WWOX: variants seen among roughly 807,000 people sequenced by gnomAD.
WWOX encodes WW domain-containing oxidoreductase.
A neutral mutation model predicts 46.2 loss-of-function variants in WWOX; 69 were observed. The observed-to-expected ratio is 1.49, with a 90% CI of 1.23 to 1.82. WWOX has a LOEUF of 1.82. Ranked by LOEUF, WWOX falls within the 40% of genes most tolerant of loss-of-function variation. The pLI is 0.00. For synonymous variants in WWOX, 359 were observed against 202.6 expected, an observed-to-expected ratio of 1.77 and a Z score of -6.56; for missense variants, 919 against 542.6, an observed-to-expected ratio of 1.69 and a Z score of -6.89.
intron 5 of WWOX, among the ~76,000 whole-genome samples, chr16:78,205,922 C>G (rs1448678281): frequency 6.7e-6 from 1 of 149,382 alleles, no homozygotes; most frequent in Non-Finnish European, 1.5e-5. Context: ...CTTTCCTTTC[C>G]TTCCTTCTCT....
chr16:78,544,761 G>C (rs2043985222), intron 8 of WWOX, among the ~76,000 whole-genome samples: 2 of 152,190 alleles, frequency 1.3e-5, no homozygotes, highest in South Asian at 2.1e-4. Context: ...TGTGGTTCCA[G>C]CTACTCAGGA....
intron 5 of WWOX, among the ~76,000 whole-genome samples, chr16:78,343,544 C>G (rs926586750): frequency 1.7e-5 from 2 of 120,754 alleles, no homozygotes; most frequent in Admixed American, 1.6e-4. Context: ...GCACAGCCCC[C>G]CTTGAGTCTT....
Position 78,681,523 on chromosome 16 carries a change from C to T in WWOX, c.1056+248771C>T, listed in dbSNP as rs1488428890. Among the ~76,000 whole-genome samples, 10 of 149,788 alleles carry T rather than the reference C, an allele frequency of 6.7e-5. No homozygotes were observed. In the South Asian group the frequency reaches 2.1e-3, roughly 32 times the overall value. ...ATGACTTCAAAAAACAGGGCTCGTG[C>T]CACCCAAGATTTCCTCCATATACAA... is the stretch of plus-strand genomic sequence containing the variant. On this transcript the variant is annotated intron_variant, in intron 8 of 8. Transcript: ENST00000566780.
At chr16:78,708,155 C>T (rs1010251895) in intron 8 of WWOX, among the ~76,000 whole-genome samples, 1 of 152,094 alleles carries the variant, frequency 6.6e-6, no homozygotes, top group Non-Finnish European at 1.5e-5. Context: ...TGCACCATTG[C>T]ATTCCAGCCA....
chr16:78,214,274 C>G (rs1036439340), intron 5 of WWOX, among the ~76,000 whole-genome samples: 15 of 152,218 alleles, frequency 9.9e-5, no homozygotes, highest in African/African-American at 3.4e-4. Flanking sequence ...AAGCTAATTC[C>G]TACCTGTGCG....
chr16:78,746,446 C>T (rs1001939482), intron 8 of WWOX, among the ~76,000 whole-genome samples: 3 of 152,150 alleles, frequency 2.0e-5, no homozygotes, highest in African/African-American at 7.2e-5. Flanking sequence ...TGCAGTGAGC[C>T]ATGATCATGC....
intron 5 of WWOX, among the ~76,000 whole-genome samples, chr16:78,367,543 A>G (rs1290552230): frequency 6.6e-6 from 1 of 152,170 alleles, no homozygotes; most frequent in Non-Finnish European, 1.5e-5. Flanking sequence ...TAAAACAGAA[A>G]AAAGGTGTAA....
intron 8 of WWOX, among the ~76,000 whole-genome samples, chr16:78,926,610 G>C (rs1280211280): frequency 1.3e-5 from 2 of 152,150 alleles, no homozygotes; most frequent in Non-Finnish European, 1.5e-5. Context: ...GGAGTGGTTT[G>C]TCAGTTCTTT....
At chr16:79,073,801 G>C (rs1022280507) in intron 8 of WWOX, among the ~76,000 whole-genome samples, 2 of 152,288 alleles carry the variant, frequency 1.3e-5, no homozygotes, top group African/African-American at 4.8e-5. Context: ...GATAAGTTGA[G>C]AGCTTGAGAG....
chr16:78,503,937 C>G lies in WWOX; in HGVS notation c.1056+71185C>G, dbSNP rs141693169. On this transcript the variant is annotated intron_variant, in intron 8 of 8. Coordinates refer to ENST00000566780, the MANE Select transcript of WWOX (RefSeq NM_016373.4). ...TAAGTGTACAATAAATAGTAAATCACATTTTTATGCTTTCTCTGAACTTGG... is the reference window on the plus strand; with the variant it reads ...TAAGTGTACAATAAATAGTAAATCAGATTTTTATGCTTTCTCTGAACTTGG... 2.2e-4 allele frequency: 33 copies of G among 152,306 alleles called. No individual in the cohort carries two copies. In the East Asian group the frequency reaches 6.2e-3, roughly 28 times the overall value. The allele number at this position is 152,306 out of a possible 1,614,324, so 9.4% of individuals were successfully genotyped here.
chr16:78,411,410 A>C (rs2082677691), intron 6 of WWOX, among the ~76,000 whole-genome samples: 1 of 152,170 alleles, frequency 6.6e-6, no homozygotes, highest in Admixed American at 6.5e-5. Flanking sequence ...TATTTGAGCA[A>C]AACCTTGAAG....
rs551034958 is a variant in WWOX at position 78,288,725 on chromosome 16, G to A, written c.517-98135G>A. ...TTCCGAGTGTCAGTTTTCCTTTATC[G>A]GAACCTCCTTTTATTTGAACTAACC... On this transcript the variant is annotated intron_variant, in intron 5 of 8. Coordinates refer to ENST00000566780, the MANE Select transcript of WWOX (RefSeq NM_016373.4). 1.2e-4 allele frequency among the ~76,000 whole-genome samples: 19 copies of A among 152,032 alleles called. No homozygotes were observed. In the South Asian group the frequency reaches 2.9e-3, roughly 23 times the overall value.
chr16:79,206,870 T>A (rs753860256), intron 8 of WWOX: 32 of 152,342 alleles, frequency 2.1e-4, no homozygotes, highest in African/African-American at 7.5e-4. Context: ...ATGCAATTTG[T>A]GGCAAATGTG....
intron 8 of WWOX, among the ~76,000 whole-genome samples, chr16:78,677,867 G>A (rs886356974): frequency 6.6e-5 from 10 of 152,082 alleles, no homozygotes; most frequent in African/African-American, 1.2e-4. Flanking sequence ...TTTCTTAGGC[G>A]TACAATTTCC....
intron 8 of WWOX, among the ~76,000 whole-genome samples, chr16:79,009,783 G>C (rs1191473994): frequency 6.6e-6 from 1 of 152,142 alleles, no homozygotes; most frequent in Non-Finnish European, 1.5e-5. Context: ...AAATGGAATG[G>C]TGCAACCATG....
intron 8 of WWOX, among the ~76,000 whole-genome samples, chr16:78,482,459 G>A (rs2084518770): frequency 6.6e-6 from 1 of 152,126 alleles, no homozygotes; most frequent in African/African-American, 2.4e-5. Flanking sequence ...CTCACTTCAG[G>A]TGATCTGACT....
intron 6 of WWOX, among the ~76,000 whole-genome samples, chr16:78,420,142 T>C (rs1470311812): frequency 6.6e-6 from 1 of 152,056 alleles, no homozygotes; most frequent in African/African-American, 2.4e-5. Context: ...CATGGAGAGA[T>C]GAAAGTTCAA....
intron 5 of WWOX, among the ~76,000 whole-genome samples, chr16:78,332,224 C>T (rs150715014): frequency 6.6e-6 from 1 of 152,040 alleles, no homozygotes; most frequent in East Asian, 1.9e-4. Flanking sequence ...TGGAAACTTG[C>T]CTAAAGAGAC....
intron 4 of WWOX, among the ~76,000 whole-genome samples, chr16:78,124,733 T>C (rs2033283912): frequency 6.6e-6 from 1 of 152,180 alleles, no homozygotes; most frequent in Admixed American, 6.5e-5. Context: ...TTGTTTTAAG[T>C]CTTTGAGTTA....
Sources: gnomAD v4.1 joint callset for allele counts (sites outside exome capture counted in the v4.1 genomes callset) on GRCh38, gnomAD v4.1.1 for gene constraint, MANE v1.5 for transcripts, NCBI Gene and HGNC (gene_info 2026-07-23, HGNC 2026-07-21) for gene names.